Variants in ATP6V1H observed in about 807,000 individuals in gnomAD.
ATP6V1H encodes ATPase H+ transporting V1 subunit H, also known as V-type proton ATPase subunit H.
Under a neutral mutation model 71.7 loss-of-function variants are expected in ATP6V1H, and 39 were observed. The observed-to-expected ratio is 0.54, with a 90% CI of 0.42 to 0.71. ATP6V1H has a LOEUF of 0.71. ATP6V1H is among the 30% of genes least tolerant of loss of function. The pLI is 0.00. For missense variants in ATP6V1H, 509 were observed against 594.9 expected (o/e 0.86, Z 1.50); for synonymous variants, 192 against 199.3 (o/e 0.96, Z 0.31).
chr8:53,782,938 G>T (rs1001102536), intron 9 of ATP6V1H, among the ~76,000 whole-genome samples: 2 of 152,122 alleles, frequency 1.3e-5, no homozygotes, highest in South Asian at 2.1e-4. Flanking sequence ...GCTGGATTCG[G>T]TTTGCCAGTA....
chr8:53,816,135 T>C (rs1563479649), intron 5 of ATP6V1H, among the ~76,000 whole-genome samples: 1 of 152,232 alleles, frequency 6.6e-6, no homozygotes, highest in East Asian at 1.9e-4. Flanking sequence ...CCTCCTTAAT[T>C]TCTTTTTATA....
chr8:53,790,125 CT>C (rs1809522684), intron 9 of ATP6V1H, among the ~76,000 whole-genome samples: 1 of 152,190 alleles, frequency 6.6e-6, no homozygotes. Context: ...TCTCTCTAGT[CT>C]TGCTTTCTGT....
chr8:53,777,935 A>T (rs570221924), intron 9 of ATP6V1H, among the ~76,000 whole-genome samples: 1 of 152,316 alleles, frequency 6.6e-6, no homozygotes. Context: ...ACCTGGATAA[A>T]TATAAAACAC....
intron 12 of ATP6V1H, among the ~76,000 whole-genome samples, chr8:53,751,118 C>T (rs1200287259): frequency 6.6e-6 from 1 of 152,086 alleles, no homozygotes; most frequent in African/African-American, 2.4e-5. Context: ...TGGGCACTTA[C>T]CCACTGCATG....
intron 9 of ATP6V1H, among the ~76,000 whole-genome samples, chr8:53,794,358 T>C (rs1436745117): frequency 6.6e-6 from 1 of 152,184 alleles, no homozygotes; most frequent in Non-Finnish European, 1.5e-5. Context: ...TACCACTTTT[T>C]ATTTTCATTT....
At chr8:53,819,502 A>T (rs1464080630) in intron 4 of ATP6V1H, among the ~76,000 whole-genome samples, 6 of 137,174 alleles carry the variant, frequency 4.4e-5, no homozygotes, top group Non-Finnish European at 9.4e-5. Context: ...ACTGCACTCC[A>T]GCCTCAGTGA....
chr8:53,756,620 G>T lies in ATP6V1H; in HGVS notation c.1212C>A (p.Pro404=). 6.2e-7 allele frequency: 1 copy of T among 1,613,896 alleles called. No individual in the cohort carries two copies. Among genetic ancestry groups the T allele is most frequent in the Non-Finnish European group, 8.5e-7 (1 of 1,179,892 alleles). Residue 404 remains proline (P), a synonymous_variant, in exon 12 of 14, where the codon CCC becomes CCA. Coordinates refer to ENST00000359530, the MANE Select transcript of ATP6V1H (RefSeq NM_015941.4). ...LTKLLEVSDD[P]QVLAVAAHDV... The stretch of plus-strand genomic sequence containing the variant: ...CGTGAGCAGCAACAGCTAAGACTTG[G>T]GGATCATCTGACACTTCCAAAAGTT...
chr8:53,800,140 G>T (rs1244606935), intron 8 of ATP6V1H, among the ~76,000 whole-genome samples: 1 of 152,148 alleles, frequency 6.6e-6, no homozygotes, highest in African/African-American at 2.4e-5. Flanking sequence ...CATTTTCAAT[G>T]CTGGGAGAAG....
At chr8:53,820,818 C>G (rs1216237204) in intron 4 of ATP6V1H, among the ~76,000 whole-genome samples, 1 of 151,392 alleles carries the variant, frequency 6.6e-6, no homozygotes, top group Admixed American at 6.6e-5. Flanking sequence ...CCTGTCTCTA[C>G]TAAAAAAACA....
At chr8:53,743,811 A>C in intron 12 of ATP6V1H, 121 bp from the exon 13 acceptor site, 1 of 623,358 alleles carries the variant, frequency 1.6e-6, no homozygotes. Context: ...AAATAAACCA[A>C]ACGTGTCTTT....
rs189097565 is a variant in ATP6V1H, at chr8:53,810,633, G to A, written c.579+531C>T. Among the ~76,000 whole-genome samples, 342 of 152,214 alleles carry A rather than the reference G, an allele frequency of 2.2e-3. 3 individuals are homozygous for A. Among genetic ancestry groups the A allele is most frequent in the African/African-American group, 7.9e-3 (327 of 41,548 alleles). ...CGGGCGCTTGTAGTCCCAGCTACTC[G>A]GGAGGCTGAGGCAGGAGAATTAATT... On this transcript the variant is annotated intron_variant, in intron 7 of 13. Coordinates refer to ENST00000359530, the MANE Select transcript of ATP6V1H (RefSeq NM_015941.4).
intron 9 of ATP6V1H, among the ~76,000 whole-genome samples, chr8:53,784,579 T>G (rs1040169872): frequency 2.2e-4 from 34 of 152,222 alleles, no homozygotes; most frequent in African/African-American, 7.5e-4. Context: ...ATCCTGTCAT[T>G]ATGATGTTAG....
chr8:53,772,903 C>CAAAA (rs201949406), intron 9 of ATP6V1H, among the ~76,000 whole-genome samples: 12 of 59,390 alleles, frequency 2.0e-4, no homozygotes, highest in South Asian at 5.1e-4. Context: ...CTATCAAATG[C>CAAAA]AAAAAAAAAA....
chr8:53,806,046 T>C (rs1810066166), intron 7 of ATP6V1H, among the ~76,000 whole-genome samples: 1 of 152,102 alleles, frequency 6.6e-6, no homozygotes, highest in Non-Finnish European at 1.5e-5. Context: ...TTAACATCTG[T>C]GCATTTTCCT....
At chr8:53,813,287 C>A (rs1301743297) in intron 6 of ATP6V1H, among the ~76,000 whole-genome samples, 1 of 152,170 alleles carries the variant, frequency 6.6e-6, no homozygotes, top group East Asian at 1.9e-4. Flanking sequence ...TCTAAAATAT[C>A]TCCATCCAAA....
chr8:53,804,916 T>C (rs1229336792), intron 7 of ATP6V1H, among the ~76,000 whole-genome samples: 1 of 152,160 alleles, frequency 6.6e-6, no homozygotes, highest in African/African-American at 2.4e-5. Flanking sequence ...TCTTACTATA[T>C]TACAGTGAAA....
At position 53,715,551 on chromosome 8, in the gene ATP6V1H, G is replaced by GATCGACAGAT. The variant is rs561535799; in HGVS notation, c.*412_*413insATCTGTCGAT. ...CTGCATAGAGACATAGATTGATAGA[G>GATCGACAGAT]CGATAGATTTTAAAACATTTATTTG... On this transcript the variant is annotated 3_prime_UTR_variant, in exon 14 of 14. Transcript: ENST00000359530. 5.6e-5 allele frequency: 9 copies of GATCGACAGAT among 159,664 alleles called. No homozygotes were observed. The highest frequency in any genetic ancestry group is 2.2e-4 in the African/African-American group (9 of 41,608). 9.9% of individuals were successfully genotyped at this position (159,664 alleles called of 1,614,324 possible). A position where few individuals can be genotyped will look rare whatever the true frequency, so the allele number is the denominator to read the frequency against.
At chr8:53,827,201 G>A (rs1341996266) in intron 4 of ATP6V1H, among the ~76,000 whole-genome samples, 2 of 151,808 alleles carry the variant, frequency 1.3e-5, no homozygotes, top group Non-Finnish European at 2.9e-5. Context: ...TGGCCAACAT[G>A]GTGAAACCTC....
intron 5 of ATP6V1H, among the ~76,000 whole-genome samples, chr8:53,816,261 T>C (rs796348259): frequency 5.9e-5 from 9 of 152,330 alleles, no homozygotes; most frequent in African/African-American, 9.6e-5. Flanking sequence ...ATAACATACA[T>C]GTTCAAAAAT....
Sources: allele counts gnomAD v4.1 joint callset (sites outside exome capture counted in the v4.1 genomes callset), GRCh38; gene constraint gnomAD v4.1.1; transcripts MANE v1.5; gene names NCBI Gene and HGNC (gene_info 2026-07-23, HGNC 2026-07-21).